CHM: variants seen among roughly 807,000 people sequenced by gnomAD.
CHM encodes the protein rab proteins geranylgeranyltransferase component A 1.
Under a neutral mutation model 49.0 loss-of-function variants are expected in CHM, and 10 were observed. The observed-to-expected ratio is 0.20, with a 90% CI of 0.13 to 0.35. The LOEUF is 0.35. CHM is among the 10% of genes least tolerant of loss of function. CHM has a pLI of 1.00. For synonymous variants in CHM, 184 were observed against 167.5 expected (o/e 1.10, Z -0.76); for missense variants, 455 against 478.4 (o/e 0.95, Z 0.46).
At position 85,911,284 on chromosome X, in the gene CHM, A is replaced by C; in HGVS notation, c.1221T>G (p.Leu407=). ...ACTTTCTGGATTCTTTGTCCACTAC[A>C]AGGCACTGTACTGAATGGCGAAGAC... ...IYCLRHSVQC[L]VVDKESRKCK... The change falls in exon 9 of 15, where the codon CTT becomes CTG. Residue 407 remains leucine, a synonymous_variant. Transcript: ENST00000357749. 1 of 1,009,886 alleles carries C rather than the reference A, an allele frequency of 9.9e-7. No homozygotes were observed. The highest frequency in any genetic ancestry group is 1.3e-6 in the Non-Finnish European group (1 of 771,472). 83.2% of individuals were successfully genotyped at this position (1,009,886 alleles called of 1,213,427 possible).
chrX:85,898,770 C>T lies in CHM; in HGVS notation c.1413+1876G>A, dbSNP rs926503068. ...TCTACCCGCCCATGCTCATACTTGT[C>T]ACTCTGAACTACAGTTGCTACTTAT... On this transcript the variant is annotated intron_variant, in intron 11 of 14. Transcript: ENST00000357749. 2.7e-5 allele frequency among the ~76,000 whole-genome samples: 3 copies of T among 112,116 alleles called. No homozygotes were observed. In the South Asian group the frequency reaches 1.1e-3, roughly 41 times the overall value.
Position 85,957,842 on chromosome X carries a change from A to G in CHM, c.940+13T>C. 1 of 1,199,613 alleles carries G rather than the reference A, an allele frequency of 8.3e-7. No homozygotes were observed. The highest frequency in any genetic ancestry group is 1.1e-6 in the Non-Finnish European group (1 of 888,055). On this transcript the variant is annotated intron_variant, in intron 7 of 14. Coordinates refer to ENST00000357749, the MANE Select transcript of CHM (RefSeq NM_000390.4). ...TCAAATAATTGGAGAGCACTACTTAATGAAAAAAATACCTTTATATTCATC... is the reference window on the plus strand; with the variant it reads ...TCAAATAATTGGAGAGCACTACTTAGTGAAAAAAATACCTTTATATTCATC...
At chrX:85,957,739 G>T in intron 7 of CHM, 116 bp downstream of exon 7, 4 of 899,577 alleles carry the variant, frequency 4.4e-6, no homozygotes, top group Non-Finnish European at 6.1e-6. Context: ...TATTGATAGT[G>T]CAGAGTTAGA....
chrX:85,906,087 C>CT (rs1926571456), intron 9 of CHM, among the ~76,000 whole-genome samples: 1 of 111,634 alleles, frequency 9.0e-6, no homozygotes, highest in South Asian at 3.8e-4. Context: ...ACAAATAATA[C>CT]TTGTTGCATG....
chrX:85,984,202 CA>C (rs1217334389), intron 2 of CHM, among the ~76,000 whole-genome samples: 7 of 103,699 alleles, frequency 6.8e-5, no homozygotes, highest in Non-Finnish European at 1.2e-4. Flanking sequence ...AACTCTGTCT[CA>C]AAAAAAAATA....
At chrX:86,038,367 C>T (rs981192960) in intron 1 of CHM, among the ~76,000 whole-genome samples, 1 of 111,425 alleles carries the variant, frequency 9.0e-6, no homozygotes, top group African/African-American at 3.3e-5. Flanking sequence ...CTAACTATGA[C>T]CCAGAAGCCT....
intron 5 of CHM, among the ~76,000 whole-genome samples, chrX:85,962,907 C>T: frequency 9.0e-6 from 1 of 111,501 alleles, no homozygotes. Context: ...GGAACATAAC[C>T]GAAGACAATA....
chrX:85,978,742 T>G lies in CHM; in HGVS notation c.314+25A>C, dbSNP rs187417075. 9.6e-5 allele frequency: 113 copies of G among 1,182,336 alleles called. No homozygotes were observed. In the Middle Eastern group the frequency reaches 1.2e-3, roughly 12 times the overall value. On this transcript the variant is annotated intron_variant, in intron 4 of 14. Transcript: ENST00000357749. ...GAGTGAAAAAGTCATTAATTTAGTT[T>G]ACCTGCAGTAAATACTTTTCATACC...
intron 13 of CHM, among the ~76,000 whole-genome samples, chrX:85,875,508 T>C (rs1255536317): frequency 9.0e-6 from 1 of 111,372 alleles, no homozygotes. Context: ...AGCACAACAA[T>C]AACAAGAAAG....
intron 8 of CHM, among the ~76,000 whole-genome samples, chrX:85,951,712 C>T (rs940404300): frequency 2.1e-4 from 23 of 111,709 alleles, no homozygotes; most frequent in Non-Finnish European, 3.2e-4. Flanking sequence ...CACAGGAATG[C>T]GGAATTTTAA....
intron 4 of CHM, among the ~76,000 whole-genome samples, chrX:85,977,480 T>C (rs953358949): frequency 1.8e-5 from 2 of 112,106 alleles, no homozygotes; most frequent in African/African-American, 6.5e-5. Context: ...ACTCAGCCAT[T>C]AGAAACTATT....
chrX:85,888,366 A>G (rs1386313508), intron 12 of CHM, among the ~76,000 whole-genome samples: 3 of 112,534 alleles, frequency 2.7e-5, no homozygotes, highest in African/African-American at 9.7e-5. Flanking sequence ...GATAATATTC[A>G]GTGCTCTTGA....
intron 12 of CHM, among the ~76,000 whole-genome samples, chrX:85,882,470 T>C (rs1490694020): frequency 9.0e-6 from 1 of 110,795 alleles, no homozygotes; most frequent in Non-Finnish European, 1.9e-5. Context: ...GTGAGATAAC[T>C]GAACAAAAAA....
At chrX:86,016,914 CAG>C (rs1933327636) in intron 2 of CHM, among the ~76,000 whole-genome samples, 1 of 112,431 alleles carries the variant, frequency 8.9e-6, no homozygotes, top group African/African-American at 3.2e-5. Flanking sequence ...CTGTACCCTG[CAG>C]AGTTACAGGG....
At chrX:85,986,376 A>G (rs1931912240) in intron 2 of CHM, among the ~76,000 whole-genome samples, 1 of 111,812 alleles carries the variant, frequency 8.9e-6, no homozygotes, top group African/African-American at 3.3e-5. Context: ...GCACCAAGCT[A>G]TGGTCTACAG....
intron 2 of CHM, among the ~76,000 whole-genome samples, chrX:86,003,037 G>A (rs780635844): frequency 7.5e-4 from 84 of 111,830 alleles, no homozygotes; most frequent in Non-Finnish European, 1.4e-3. Context: ...AAACCTTACA[G>A]AGGAAAGACC....
At chrX:86,002,593 C>A (rs1251217388) in intron 2 of CHM, among the ~76,000 whole-genome samples, 1 of 112,129 alleles carries the variant, frequency 8.9e-6, no homozygotes, top group South Asian at 3.7e-4. Context: ...TGAACCAGGG[C>A]GGGGTGTCGC....
rs1927324774 is a variant in CHM at position 85,914,304 on chromosome X, G to C, written c.1167-2966C>G. On this transcript the variant is annotated intron_variant, in intron 8 of 14. Transcript: ENST00000357749. Reference sequence around the variant, plus strand: ...TTGTGAGCAACTGGACCTGGAGATTGCAAGTCTATCTTACCTGCAGGATTG... The same window carrying C: ...TTGTGAGCAACTGGACCTGGAGATTCCAAGTCTATCTTACCTGCAGGATTG... 4.5e-5 allele frequency among the ~76,000 whole-genome samples: 5 copies of C among 110,809 alleles called. No individual in the cohort carries two copies. In the Admixed American group the frequency reaches 4.8e-4, roughly 11 times the overall value.
chrX:86,038,957 CTT>C (rs1306604972), intron 1 of CHM, among the ~76,000 whole-genome samples: 1 of 112,425 alleles, frequency 8.9e-6, no homozygotes, highest in Non-Finnish European at 1.9e-5. Flanking sequence ...TTCTAGCAAA[CTT>C]AATCTAATAC....
Sources: gnomAD v4.1 joint callset for allele counts (sites outside exome capture counted in the v4.1 genomes callset) on GRCh38, gnomAD v4.1.1 for gene constraint, MANE v1.5 for transcripts, NCBI Gene and HGNC (gene_info 2026-07-23, HGNC 2026-07-21) for gene names.